Variants in MYO1D observed in about 807,000 individuals in gnomAD.
MYO1D encodes unconventional myosin-Id.
MYO1D carries 83 observed loss-of-function variants against 122.0 expected under a neutral mutation model. That is an observed-to-expected ratio of 0.68 (90% CI 0.57 to 0.82). The LOEUF is 0.82. Ranked by LOEUF, MYO1D falls within the 40% of genes least tolerant of loss-of-function variation. The pLI, the probability that MYO1D is intolerant of heterozygous loss-of-function variation, is 0.00. For missense variants in MYO1D, 1,157 were observed against 1,269.5 expected (o/e 0.91, Z 1.35); for synonymous variants, 464 against 446.9 (o/e 1.04, Z -0.48).
intron 1 of MYO1D, among the ~76,000 whole-genome samples, chr17:32,783,249 G>C (rs2090259193): frequency 6.6e-6 from 1 of 152,016 alleles, no homozygotes; most frequent in Admixed American, 6.6e-5. Context: ...TATGAGATTA[G>C]ACTATTTTAA....
intron 21 of MYO1D, among the ~76,000 whole-genome samples, chr17:32,555,192 G>C (rs2087057616): frequency 6.6e-6 from 1 of 151,992 alleles, no homozygotes; most frequent in African/African-American, 2.4e-5. Context: ...CAAATTTCCT[G>C]TGTCACTGTT....
chr17:32,565,409 A>G (rs951561208), intron 21 of MYO1D, among the ~76,000 whole-genome samples: 5 of 152,116 alleles, frequency 3.3e-5, no homozygotes, highest in Admixed American at 3.3e-4. Flanking sequence ...TGCAGCTCCC[A>G]CCTCCATCCC....
At chr17:32,795,909 G>T (rs1259921293) in intron 1 of MYO1D, among the ~76,000 whole-genome samples, 1 of 151,902 alleles carries the variant, frequency 6.6e-6, no homozygotes, top group South Asian at 2.1e-4. Flanking sequence ...GCCTCAGCCC[G>T]CCTGCACCCA....
rs115149758 is a variant in MYO1D at position 32,653,981 on chromosome 17, T to G, written c.2491-34A>C. ...GAAAGGAAACAAGACAAAATGAGTATGCTTAGCATTTTAGAAGGAAAGGCA... is the reference window on the plus strand; with the variant it reads ...GAAAGGAAACAAGACAAAATGAGTAGGCTTAGCATTTTAGAAGGAAAGGCA... On this transcript the variant is annotated intron_variant, in intron 18 of 21. Coordinates refer to ENST00000318217, the MANE Select transcript of MYO1D (RefSeq NM_015194.3). 912 of 1,534,940 alleles carry G rather than the reference T, an allele frequency of 5.9e-4. 3 individuals carry two copies. In the African/African-American group the frequency reaches 0.011, roughly 19 times the overall value.
intron 20 of MYO1D, among the ~76,000 whole-genome samples, chr17:32,610,318 A>G (rs2150918067): frequency 6.6e-6 from 1 of 152,236 alleles, no homozygotes; most frequent in African/African-American, 2.4e-5. Context: ...GGAATTCTTC[A>G]TGTGTACGCC....
chr17:32,868,439 T>C (rs2091149008), intron 1 of MYO1D, among the ~76,000 whole-genome samples: 1 of 152,112 alleles, frequency 6.6e-6, no homozygotes, highest in South Asian at 2.1e-4. Context: ...CACTCTCTGC[T>C]AGGTAATCTG....
At chr17:32,835,099 T>C (rs1249686767) in intron 1 of MYO1D, among the ~76,000 whole-genome samples, 1 of 152,008 alleles carries the variant, frequency 6.6e-6, no homozygotes, top group Non-Finnish European at 1.5e-5. Context: ...CTGCACAGTC[T>C]GGTCCCAAAC....
intron 1 of MYO1D, among the ~76,000 whole-genome samples, chr17:32,833,383 CT>C (rs2090790432): frequency 6.6e-6 from 1 of 152,190 alleles, no homozygotes; most frequent in South Asian, 2.1e-4. Flanking sequence ...AGTCTGACTA[CT>C]TCTCACCACC....
intron 21 of MYO1D, among the ~76,000 whole-genome samples, chr17:32,540,299 C>T (rs12948545): frequency 0.13 from 16,820 of 129,698 alleles, 1,191 homozygotes; most frequent in Middle Eastern, 0.24. Context: ...CACTGTACTC[C>T]AGTCTAGGTG....
chr17:32,613,336 C>T (rs1029916368), intron 20 of MYO1D, among the ~76,000 whole-genome samples: 3 of 152,062 alleles, frequency 2.0e-5, no homozygotes, highest in South Asian at 4.1e-4. Flanking sequence ...CTCTCTCATA[C>T]ACAAAAACAA....
chr17:32,585,733 G>A (rs1437625797), intron 21 of MYO1D, among the ~76,000 whole-genome samples: 3 of 122,766 alleles, frequency 2.4e-5, no homozygotes, highest in Non-Finnish European at 5.0e-5. Flanking sequence ...GCAAGAATCC[G>A]TCTCAAAATA....
intron 16 of MYO1D, among the ~76,000 whole-genome samples, chr17:32,663,593 C>T (rs534646649): frequency 1.3e-5 from 2 of 152,138 alleles, no homozygotes; most frequent in South Asian, 4.1e-4. Flanking sequence ...TTCCTTGGTT[C>T]GGCTGTAATA....
chr17:32,657,592 G>A (rs373797446), intron 17 of MYO1D, among the ~76,000 whole-genome samples: 3 of 152,252 alleles, frequency 2.0e-5, no homozygotes, highest in Non-Finnish European at 4.4e-5. Flanking sequence ...GTGCACGCAC[G>A]TGTGCGTATA....
chr17:32,591,816 A>G (rs1344751699), intron 21 of MYO1D, among the ~76,000 whole-genome samples: 1 of 152,172 alleles, frequency 6.6e-6, no homozygotes. Flanking sequence ...TAGCTCACTA[A>G]GCATGTAGGT....
chr17:32,675,959 ATCC>A (rs1421742692), intron 16 of MYO1D, among the ~76,000 whole-genome samples: 2 of 152,234 alleles, frequency 1.3e-5, no homozygotes, highest in African/African-American at 4.8e-5. Context: ...GTGATCAAAT[ATCC>A]TCCTATGATG....
At chr17:32,617,399 G>A (rs116036092) in intron 20 of MYO1D, among the ~76,000 whole-genome samples, 1 of 152,090 alleles carries the variant, frequency 6.6e-6, no homozygotes, top group African/African-American at 2.4e-5. Context: ...CCCAGCTAAG[G>A]CCTCAGATAC....
intron 10 of MYO1D, among the ~76,000 whole-genome samples, chr17:32,757,083 T>C (rs1163745531): frequency 6.6e-6 from 1 of 152,146 alleles, no homozygotes; most frequent in African/African-American, 2.4e-5. Flanking sequence ...GTCTATATAC[T>C]CATAATAGAC....
At chr17:32,611,254 G>A (rs906711306) in intron 20 of MYO1D, among the ~76,000 whole-genome samples, 7 of 152,172 alleles carry the variant, frequency 4.6e-5, no homozygotes, top group South Asian at 4.1e-4. Flanking sequence ...AAAACAGACC[G>A]ATATTAGAAA....
intron 21 of MYO1D, among the ~76,000 whole-genome samples, chr17:32,597,794 G>A (rs1416295800): frequency 6.6e-6 from 1 of 150,656 alleles, no homozygotes. Flanking sequence ...CTTGAACCTG[G>A]GAAGGTGGAG....
Sources: gnomAD v4.1 joint callset for allele counts (sites outside exome capture counted in the v4.1 genomes callset) on GRCh38, gnomAD v4.1.1 for gene constraint, MANE v1.5 for transcripts, NCBI Gene and HGNC (gene_info 2026-07-23, HGNC 2026-07-21) for gene names.